The following TBXAS1 variants were observed in gnomAD, a reference collection of about 807,000 sequenced individuals.
TBXAS1 encodes thromboxane A synthase 1, also known as thromboxane-A synthase.
In TBXAS1, 48 loss-of-function variants were observed where a neutral mutation model predicts 60.7. The ratio of observed to expected loss-of-function variants is 0.79; its 90% CI spans 0.63 to 1.01. TBXAS1 has a LOEUF of 1.01. TBXAS1 is among the 50% of genes least tolerant of loss of function. The pLI is 0.00. For synonymous variants in TBXAS1, 287 were observed against 269.7 expected, an observed-to-expected ratio of 1.06 and a Z score of -0.63; for missense variants, 685 against 686.3, an observed-to-expected ratio of 1.00 and a Z score of 0.02.
At chr7:139,845,075 A>G (rs1799708834) in intron 1 of TBXAS1, among the ~76,000 whole-genome samples, 1 of 152,090 alleles carries the variant, frequency 6.6e-6, no homozygotes, top group East Asian at 1.9e-4. Context: ...TTGACTCCCA[A>G]GTGTTCCTCT....
At chr7:139,815,915 C>T (rs1798134422) in intron 4 of TBXAS1, among the ~76,000 whole-genome samples, 1 of 152,188 alleles carries the variant, frequency 6.6e-6, no homozygotes, top group Admixed American at 6.5e-5. Flanking sequence ...ATTTGGTACA[C>T]CTGTCAAGGA....
chr7:140,020,178 A>AC lies in TBXAS1; in HGVS notation c.*79_*80insC, dbSNP rs769960042. ...AAGTGTGGATGTTCAGAATTTTGGAAAAATGTCACTGAAGTGATTGAAAGA... is the reference window on the plus strand; with the variant it reads ...AAGTGTGGATGTTCAGAATTTTGGAACAAATGTCACTGAAGTGATTGAAAGA... On this transcript the variant is annotated 3_prime_UTR_variant, in exon 13 of 13. Coordinates refer to ENST00000448866, the MANE Select transcript of TBXAS1 (RefSeq NM_001061.7). The AC allele has an allele frequency of 1.5e-4, 202 of 1,391,014 alleles. 3 individuals carry two copies. The South Asian group carries it at 2.2e-3, about 15-fold the overall frequency. The allele number at this position is 1,391,014 out of a possible 1,614,324, so 86.2% of individuals were successfully genotyped here.
At chr7:139,819,351 G>A (rs901582799) in intron 4 of TBXAS1, among the ~76,000 whole-genome samples, 1 of 152,232 alleles carries the variant, frequency 6.6e-6, no homozygotes, top group Admixed American at 6.5e-5. Context: ...GAATTCCTGA[G>A]TCACTGCATG....
At chr7:139,860,076 A>G (rs1800857462) in intron 1 of TBXAS1, among the ~76,000 whole-genome samples, 1 of 152,214 alleles carries the variant, frequency 6.6e-6, no homozygotes, top group South Asian at 2.1e-4. Context: ...TGGAGGTTGC[A>G]GTGAACTGAG....
At chr7:139,839,676 C>CAAA (rs1297739214) in intron 1 of TBXAS1, among the ~76,000 whole-genome samples, 2 of 89,318 alleles carry the variant, frequency 2.2e-5, no homozygotes, top group African/African-American at 7.6e-5. Flanking sequence ...CTGCTTCTAC[C>CAAA]AAAAAAAAAA....
intron 4 of TBXAS1, among the ~76,000 whole-genome samples, chr7:139,924,280 G>A (rs1211723340): frequency 6.6e-6 from 1 of 152,088 alleles, no homozygotes; most frequent in Admixed American, 6.5e-5. Context: ...CAGTGTATGT[G>A]GGTTCCCTTT....
chr7:140,006,450 T>A (rs1041408376), intron 9 of TBXAS1, among the ~76,000 whole-genome samples: 3 of 152,318 alleles, frequency 2.0e-5, no homozygotes, highest in African/African-American at 7.2e-5. Context: ...ATCTGACCTG[T>A]GCAAATGGAA....
intron 5 of TBXAS1, 127 bp downstream of exon 5, chr7:139,936,434 G>A: frequency 2.2e-6 from 2 of 904,138 alleles, no homozygotes; most frequent in Non-Finnish European, 1.8e-6. Context: ...TTCCCACTGG[G>A]ACCTTCAGAC....
intron 1 of TBXAS1, among the ~76,000 whole-genome samples, chr7:139,868,193 C>A (rs879877906): frequency 4.6e-5 from 7 of 152,306 alleles, no homozygotes; most frequent in Non-Finnish European, 1.0e-4. Context: ...AACATCAGAA[C>A]ATGGTGATCG....
At chr7:139,831,674 A>G (rs12703190) in intron 1 of TBXAS1, among the ~76,000 whole-genome samples, 2,474 of 152,304 alleles carry the variant, frequency 0.016, 30 homozygotes, top group Non-Finnish European at 0.027. Context: ...GCTCATGCCT[A>G]TAATCCCAGC....
intron 3 of TBXAS1, among the ~76,000 whole-genome samples, chr7:139,897,825 C>G (rs766282709): frequency 6.6e-6 from 1 of 152,114 alleles, no homozygotes; most frequent in Non-Finnish European, 1.5e-5. Context: ...CAGACAGGAG[C>G]CCTGGGAAAG....
intron 1 of TBXAS1, among the ~76,000 whole-genome samples, chr7:139,846,470 A>T (rs1319016989): frequency 1.3e-5 from 2 of 152,220 alleles, no homozygotes; most frequent in Non-Finnish European, 2.9e-5. Context: ...TAAGAACATA[A>T]GGTGGACTTA....
intron 3 of TBXAS1, among the ~76,000 whole-genome samples, chr7:139,892,749 A>T (rs1313971619): frequency 6.6e-6 from 1 of 152,220 alleles, no homozygotes; most frequent in Non-Finnish European, 1.5e-5. Context: ...CTGGGATTCC[A>T]CTGCTCCTTG....
At chr7:139,835,568 A>T (rs1450361128) in intron 1 of TBXAS1, among the ~76,000 whole-genome samples, 1 of 152,216 alleles carries the variant, frequency 6.6e-6, no homozygotes, top group Non-Finnish European at 1.5e-5. Context: ...CATTTGACAA[A>T]ATCTGGCATC....
intron 4 of TBXAS1, among the ~76,000 whole-genome samples, chr7:139,804,896 G>A (rs1797809110): frequency 1.3e-5 from 2 of 152,150 alleles, no homozygotes; most frequent in South Asian, 4.1e-4. Context: ...GTATGAAAAT[G>A]GACTAATACA....
intron 4 of TBXAS1, among the ~76,000 whole-genome samples, chr7:139,823,500 CT>C: frequency 6.6e-6 from 1 of 152,260 alleles, no homozygotes; most frequent in African/African-American, 2.4e-5. Flanking sequence ...GGTTTTCATG[CT>C]TCCAAAGGGC....
At chr7:139,952,759 T>C (rs1411929191) in intron 5 of TBXAS1, 1 of 1,427,132 alleles carries the variant, frequency 7.0e-7, no homozygotes, top group Non-Finnish European at 9.2e-7. Flanking sequence ...TTGCCCCATG[T>C]GGGCATAGGA....
At chr7:139,923,387 G>T (rs577950530) in intron 4 of TBXAS1, among the ~76,000 whole-genome samples, 10 of 152,132 alleles carry the variant, frequency 6.6e-5, no homozygotes, top group South Asian at 4.2e-4. Context: ...AATTCTCGTG[G>T]TTATTCTAGT....
intron 3 of TBXAS1, among the ~76,000 whole-genome samples, chr7:139,904,421 C>T (rs1404661986): frequency 6.6e-6 from 1 of 151,154 alleles, no homozygotes; most frequent in Non-Finnish European, 1.5e-5. Context: ...CTTGCTTTGG[C>T]TATGCAGGCT....
Sources: allele counts gnomAD v4.1 joint callset (sites outside exome capture counted in the v4.1 genomes callset), GRCh38; gene constraint gnomAD v4.1.1; transcripts MANE v1.5; gene names NCBI Gene and HGNC (gene_info 2026-07-23, HGNC 2026-07-21).